NBEAL1: variants seen among roughly 807,000 people sequenced by gnomAD.
NBEAL1 encodes the protein neurobeachin like 1, also known as neurobeachin-like protein 1.
Under a neutral mutation model 351.3 loss-of-function variants are expected in NBEAL1, and 273 were observed. That is an observed-to-expected ratio of 0.78 (90% CI 0.70 to 0.86). The LOEUF (loss-of-function observed/expected upper bound fraction) is 0.86, where lower values mean the gene tolerates loss of function less well. Ranked by LOEUF, NBEAL1 falls within the 40% of genes least tolerant of loss-of-function variation. NBEAL1 has a pLI of 0.00. For synonymous variants in NBEAL1, 1,050 were observed against 1,086.4 expected (o/e 0.97, Z 0.66); for missense variants, 2,961 against 3,201.3 (o/e 0.92, Z 1.81).
intron 2 of NBEAL1, chr2:203,040,793 TG>T: frequency 1.9e-6 from 1 of 533,546 alleles, no homozygotes; most frequent in Admixed American, 2.1e-5. Flanking sequence ...CTTGGCTCAC[TG>T]CAACCTCCAC....
intron 6 of NBEAL1, among the ~76,000 whole-genome samples, chr2:203,061,104 C>T (rs1057070373): frequency 3.9e-5 from 6 of 152,198 alleles, no homozygotes; most frequent in African/African-American, 1.4e-4. Context: ...TGACTTCTTA[C>T]ATATTTCAAG....
At chr2:203,161,533 G>A (rs900961154) in intron 36 of NBEAL1, among the ~76,000 whole-genome samples, 1 of 151,770 alleles carries the variant, frequency 6.6e-6, no homozygotes, top group African/African-American at 2.4e-5. Context: ...GGAGGCTGAG[G>A]CAGGAGAATT....
chr2:203,138,420 C>A, intron 30 of NBEAL1, 105 bp downstream of exon 30: 4 of 1,142,506 alleles, frequency 3.5e-6, no homozygotes, highest in South Asian at 1.6e-5. Flanking sequence ...TAATCAGATT[C>A]AATAAACAAG....
rs754465969 is a variant in NBEAL1, at chr2:203,209,299, A to G, written c.7762A>G (p.Thr2588Ala). The G allele has an allele frequency of 5.6e-6, 9 of 1,613,956 alleles. No homozygotes were observed. The highest frequency in any genetic ancestry group is 2.5e-6 in the Non-Finnish European group (3 of 1,179,872). ...AGGACATATTGTTGTCTACTCCAGC[A>G]CTGAAGAAAAGACCACCCTCAAGGT... Reference protein sequence around the residue: ...WEGHIVVYSSTEEKTTLKDKN... With the variant: ...WEGHIVVYSSAEEKTTLKDKN... The change falls in exon 53 of 56, where the codon ACT becomes GCT. Residue 2588 changes from threonine (T) to alanine (A), a missense_variant. By Grantham distance (58) the Thr-to-Ala change is moderately conservative. Coordinates refer to ENST00000683969, the MANE Select transcript of NBEAL1 (RefSeq NM_001378026.1).
At position 203,084,515 on chromosome 2, in the gene NBEAL1, T is replaced by G. The variant is rs2061929715; in HGVS notation, c.1044T>G (p.Ile348Met). 1.3e-6 allele frequency: 2 copies of G among 1,546,034 alleles called. No homozygotes were observed. The highest frequency in any genetic ancestry group is 2.4e-5 in the South Asian group (2 of 82,560). The change falls in exon 10 of 56, where the codon ATT becomes ATG. Residue 348 changes from isoleucine (I) to methionine (M), a missense_variant. Physicochemically the swap from Ile to Met is conservative, Grantham distance 10. Transcript: ENST00000683969. Reference sequence around the variant, plus strand: ...CAGATAGACCTGTTCTTCAGGCCATTTTTCTTAACAGCAATTGCTTTGAAC... The same window carrying G: ...CAGATAGACCTGTTCTTCAGGCCATGTTTCTTAACAGCAATTGCTTTGAAC... Reference protein sequence around the residue: ...DCTDRPVLQAIFLNSNCFEHL... With the variant: ...DCTDRPVLQAMFLNSNCFEHL...
chr2:203,060,829 A>C (rs904836806), intron 6 of NBEAL1, among the ~76,000 whole-genome samples: 1 of 152,232 alleles, frequency 6.6e-6, no homozygotes, highest in Admixed American at 6.5e-5. Context: ...AGAGTTTTAC[A>C]AAACTTTTGA....
intron 2 of NBEAL1, among the ~76,000 whole-genome samples, chr2:203,037,261 TCCTTTA>T (rs2061056251): frequency 6.7e-6 from 1 of 149,180 alleles, no homozygotes; most frequent in African/African-American, 2.4e-5. Flanking sequence ...TCCTTGAGTT[TCCTTTA>T]ACCAAGAGCA....
rs151086540 is a variant in NBEAL1, at chr2:203,033,614, C to T, written c.52-8151C>T. 2.7e-4 allele frequency among the ~76,000 whole-genome samples: 41 copies of T among 152,238 alleles called. 1 individual carries two copies. Among genetic ancestry groups the T allele is most frequent in the Admixed American group, 8.5e-4 (13 of 15,288 alleles). On this transcript the variant is annotated intron_variant, in intron 2 of 55. Transcript: ENST00000683969. The stretch of plus-strand genomic sequence containing the variant: ...TGCAGAAATTACTCATAATGAAATA[C>T]CAGATCTAGGAAATGATGATCAGTA...
At chr2:203,114,895 GT>G (rs1211128472) in intron 17 of NBEAL1, among the ~76,000 whole-genome samples, 5 of 151,904 alleles carry the variant, frequency 3.3e-5, no homozygotes, top group African/African-American at 1.2e-4. Context: ...AGGATTACAG[GT>G]GTGTGCCACC....
chr2:203,075,964 T>C (rs1348937425), intron 7 of NBEAL1, among the ~76,000 whole-genome samples: 1 of 152,242 alleles, frequency 6.6e-6, no homozygotes, highest in African/African-American at 2.4e-5. Flanking sequence ...CTCAAAGCTG[T>C]TTCTTTTTGG....
chr2:203,206,623 G>A (rs2065578168), intron 51 of NBEAL1, among the ~76,000 whole-genome samples: 1 of 151,822 alleles, frequency 6.6e-6, no homozygotes, highest in Admixed American at 6.6e-5. Context: ...GTTTCGCTGT[G>A]TTGGCCGGGC....
chr2:203,162,318 C>T (rs2063992171), intron 36 of NBEAL1, among the ~76,000 whole-genome samples: 1 of 151,972 alleles, frequency 6.6e-6, no homozygotes, highest in Non-Finnish European at 1.5e-5. Flanking sequence ...GCCACTGTAC[C>T]CAGCCTAATA....
chr2:203,161,326 C>CAAAAA (rs1174377516), intron 36 of NBEAL1, among the ~76,000 whole-genome samples: 1 of 64,798 alleles, frequency 1.5e-5, no homozygotes, highest in Non-Finnish European at 3.0e-5. Flanking sequence ...GACTCCATCT[C>CAAAAA]AAAAAAAAAA....
intron 31 of NBEAL1, among the ~76,000 whole-genome samples, chr2:203,141,366 A>ATTTTTATTTTTTTTTTTTTTTTTTTTTT (rs2063370884): frequency 1.1e-4 from 1 of 9,098 alleles, no homozygotes; most frequent in African/African-American, 2.7e-4. Flanking sequence ...TATTATTATT[A>ATTTTTATTTTTTTTTTTTTTTTTTTTTT]TTTTTTTTTT....
intron 8 of NBEAL1, among the ~76,000 whole-genome samples, chr2:203,079,681 A>T (rs560495778): frequency 2.6e-5 from 4 of 152,286 alleles, no homozygotes; most frequent in Admixed American, 2.0e-4. Context: ...ATTATAATTT[A>T]AAAAACTTAG....
intron 51 of NBEAL1, among the ~76,000 whole-genome samples, chr2:203,207,660 A>G (rs532310550): frequency 4.6e-5 from 7 of 152,332 alleles, no homozygotes; most frequent in Admixed American, 2.0e-4. Context: ...ACTCAGGGTT[A>G]AATGGATTAA....
At chr2:203,131,905 T>C (rs1049694654) in intron 25 of NBEAL1, 68 bp from the exon 26 acceptor site, 11 of 1,165,066 alleles carry the variant, frequency 9.4e-6, no homozygotes, top group Middle Eastern at 2.0e-4. Context: ...TAAGTTAACA[T>C]TTTTAATGTT....
intron 11 of NBEAL1, among the ~76,000 whole-genome samples, chr2:203,098,749 A>C (rs2062240258): frequency 6.6e-6 from 1 of 152,184 alleles, no homozygotes; most frequent in Non-Finnish European, 1.5e-5. Flanking sequence ...GACAATACTT[A>C]GAGATACTTA....
At chr2:203,214,528 A>G (rs1221445090) in intron 55 of NBEAL1, among the ~76,000 whole-genome samples, 1 of 152,200 alleles carries the variant, frequency 6.6e-6, no homozygotes, top group Admixed American at 6.5e-5. Flanking sequence ...TAATCCCTGC[A>G]CTTTGGGGGA....
Sources: gnomAD v4.1 joint callset for allele counts (sites outside exome capture counted in the v4.1 genomes callset) on GRCh38, gnomAD v4.1.1 for gene constraint, MANE v1.5 for transcripts, NCBI Gene and HGNC (gene_info 2026-07-23, HGNC 2026-07-21) for gene names.